Variants in KCNMA1 observed in about 807,000 individuals in gnomAD.
KCNMA1 encodes Calcium-activated potassium channel subunit alpha-1.
A neutral mutation model predicts 140.0 loss-of-function variants in KCNMA1; 29 were observed. The ratio of observed to expected loss-of-function variants is 0.21; its 90% CI spans 0.15 to 0.28. The LOEUF (loss-of-function observed/expected upper bound fraction) is 0.28. Among genes scored for constraint, KCNMA1 ranks in the 10% least tolerant of loss-of-function variants. The pLI is 1.00. For missense variants in KCNMA1, 880 were observed against 1,602.2 expected (o/e 0.55, Z 7.70); for synonymous variants, 612 against 611.9 (o/e 1.00, Z 0.00).
intron 16 of KCNMA1, among the ~76,000 whole-genome samples, chr10:77,024,596 G>A (rs1257520643): frequency 6.6e-6 from 1 of 151,930 alleles, no homozygotes; most frequent in Non-Finnish European, 1.5e-5. Flanking sequence ...TGATGATTTA[G>A]TCATGCTTCA....
At chr10:77,200,064 C>T (rs1331531054) in intron 3 of KCNMA1, among the ~76,000 whole-genome samples, 1 of 152,156 alleles carries the variant, frequency 6.6e-6, no homozygotes, top group Admixed American at 6.5e-5. Flanking sequence ...GATTCTCCTG[C>T]CTCAGCCTCC....
chr10:77,016,288 C>CTTCATT (rs2092019668), intron 17 of KCNMA1, among the ~76,000 whole-genome samples: 1 of 152,128 alleles, frequency 6.6e-6, no homozygotes, highest in Non-Finnish European at 1.5e-5. Flanking sequence ...ATCAGTGACC[C>CTTCATT]AGTTGCATTA....
At chr10:77,180,102 A>G (rs1179736312) in intron 5 of KCNMA1, among the ~76,000 whole-genome samples, 2 of 152,192 alleles carry the variant, frequency 1.3e-5, no homozygotes, top group East Asian at 3.9e-4. Flanking sequence ...CTGTACCCTC[A>G]GCAGGGCCAG....
At chr10:77,579,991 C>T (rs1000425140) in intron 1 of KCNMA1, among the ~76,000 whole-genome samples, 4 of 152,216 alleles carry the variant, frequency 2.6e-5, no homozygotes, top group Non-Finnish European at 5.9e-5. Context: ...TCCCTCCCCA[C>T]ACATATCCAG....
downstream of KCNMA1, chr10:76,877,686 A>T: frequency 6.6e-7 from 1 of 1,519,414 alleles, no homozygotes; most frequent in Admixed American, 2.0e-5. Context: ...AAGTCACATC[A>T]CCATTTATGA....
intron 1 of KCNMA1, among the ~76,000 whole-genome samples, chr10:77,440,817 T>C (rs903829011): frequency 3.3e-5 from 5 of 151,998 alleles, no homozygotes; most frequent in Non-Finnish European, 7.4e-5. Context: ...AATTCTTTTT[T>C]TGTTTTTGTT....
At chr10:77,276,653 C>A (rs897571789) in intron 2 of KCNMA1, among the ~76,000 whole-genome samples, 1 of 152,092 alleles carries the variant, frequency 6.6e-6, no homozygotes, top group African/African-American at 2.4e-5. Context: ...CACAGATTGA[C>A]CCAGTAACTA....
intron 2 of KCNMA1, among the ~76,000 whole-genome samples, chr10:77,331,317 T>C (rs2086321988): frequency 6.6e-6 from 1 of 152,120 alleles, no homozygotes; most frequent in Non-Finnish European, 1.5e-5. Flanking sequence ...TATACAAAAG[T>C]GCTTTATGAT....
At chr10:77,272,772 T>G (rs1407224729) in intron 2 of KCNMA1, among the ~76,000 whole-genome samples, 1 of 152,184 alleles carries the variant, frequency 6.6e-6, no homozygotes, top group Admixed American at 6.5e-5. Context: ...GATCATTAAG[T>G]TGGTTTTCTT....
Position 76,884,951 on chromosome 10 carries a change from G to A in KCNMA1, c.*2315C>T. On this transcript the variant is annotated 3_prime_UTR_variant, in exon 28 of 28. Transcript: ENST00000286628. ...ACAACGTTATAGAAGAAAACCCCCA[G>A]CAGTGGCTAGGTCATGCAGAACCAT... is the stretch of plus-strand genomic sequence containing the variant. 6.5e-7 allele frequency: 1 copy of A among 1,532,476 alleles called. No individual in the cohort carries two copies. Among genetic ancestry groups the A allele is most frequent in the Non-Finnish European group, 8.8e-7 (1 of 1,139,316 alleles). 94.9% of individuals were successfully genotyped at this position (1,532,476 alleles called of 1,614,324 possible).
downstream of KCNMA1, among the ~76,000 whole-genome samples, chr10:76,880,176 C>G (rs1365893775): frequency 4.6e-5 from 7 of 152,200 alleles, no homozygotes; most frequent in Admixed American, 2.6e-4. Flanking sequence ...GGAATTTAGT[C>G]TTTACAGTTC....
intron 5 of KCNMA1, among the ~76,000 whole-genome samples, chr10:77,162,842 C>T (rs1233985340): frequency 6.6e-6 from 1 of 152,180 alleles, no homozygotes; most frequent in Non-Finnish European, 1.5e-5. Flanking sequence ...CTAGAAATCT[C>T]CAATTAATTT....
At chr10:77,113,842 C>T (rs774386547) in intron 6 of KCNMA1, among the ~76,000 whole-genome samples, 14 of 152,274 alleles carry the variant, frequency 9.2e-5, no homozygotes, top group Admixed American at 6.5e-4. Flanking sequence ...CACATAGTTA[C>T]GTTTTTGTGT....
At chr10:77,200,577 C>T (rs2042140420) in intron 3 of KCNMA1, among the ~76,000 whole-genome samples, 1 of 151,998 alleles carries the variant, frequency 6.6e-6, no homozygotes, top group South Asian at 2.1e-4. Flanking sequence ...CCTACCACGG[C>T]CCCCATGTCT....
chr10:77,225,812 C>CTGCCGA lies in KCNMA1; in HGVS notation c.602+25377_602+25382dup, dbSNP rs1311828049. Among the ~76,000 whole-genome samples, 9 of 152,324 alleles carry CTGCCGA rather than the reference C, an allele frequency of 5.9e-5. No individual in the cohort carries two copies. In the East Asian group the frequency reaches 9.7e-4, roughly 16 times the overall value. On this transcript the variant is annotated intron_variant, in intron 3 of 27. Coordinates refer to ENST00000286628, the MANE Select transcript of KCNMA1 (RefSeq NM_001161352.2). ...GTGGCAACCTTCCTTGAAGCCAGAA[C>CTGCCGA]TGCCGAGGTCTGTCTATAGCTCAGA...
chr10:77,242,947 TTCTCTCCC>T (rs1407529704), intron 3 of KCNMA1, among the ~76,000 whole-genome samples: 1 of 136,618 alleles, frequency 7.3e-6, no homozygotes, highest in East Asian at 2.3e-4. Flanking sequence ...CACAGAGTCT[TTCTCTCCC>T]TCTCTCTCTT....
At chr10:77,066,681 T>C (rs1375826793) in intron 14 of KCNMA1, among the ~76,000 whole-genome samples, 1 of 152,204 alleles carries the variant, frequency 6.6e-6, no homozygotes. Flanking sequence ...TATTGGGAGC[T>C]GCTCTCCACT....
intron 1 of KCNMA1, among the ~76,000 whole-genome samples, chr10:77,500,596 T>C (rs1199525779): frequency 6.6e-6 from 1 of 152,186 alleles, no homozygotes; most frequent in Admixed American, 6.5e-5. Flanking sequence ...AGGTTTCACA[T>C]TGATGGAGAT....
chr10:77,243,664 C>A (rs139452070), intron 3 of KCNMA1, among the ~76,000 whole-genome samples: 20 of 152,284 alleles, frequency 1.3e-4, no homozygotes, highest in African/African-American at 4.3e-4. Context: ...ACAGGGGAAA[C>A]AAGTGAGCAA....
Sources: gnomAD v4.1 joint callset for allele counts (sites outside exome capture counted in the v4.1 genomes callset) on GRCh38, gnomAD v4.1.1 for gene constraint, MANE v1.5 for transcripts, NCBI Gene and HGNC (gene_info 2026-07-23, HGNC 2026-07-21) for gene names.